The following DCAF7 variants were observed in gnomAD, a reference collection of about 807,000 sequenced individuals.
The protein encoded by DCAF7 is DDB1 and CUL4 associated factor 7.
DCAF7 carries 4 observed loss-of-function variants against 41.2 expected under a neutral mutation model. That is an observed-to-expected ratio of 0.10 (90% CI 0.05 to 0.22). The LOEUF is 0.22. Ranked by LOEUF, DCAF7 falls within the 10% of genes least tolerant of loss-of-function variation. The pLI is 1.00. For synonymous variants in DCAF7, 143 were observed against 164.2 expected (o/e 0.87, Z 0.99); for missense variants, 131 against 443.2 (o/e 0.30, Z 6.32).
At chr17:63,551,658 A>G (rs1487225872) in intron 1 of DCAF7, among the ~76,000 whole-genome samples, 1 of 152,046 alleles carries the variant, frequency 6.6e-6, no homozygotes, top group East Asian at 1.9e-4. Context: ...TTTTACTCAA[A>G]GTTGTGAATG....
Position 63,579,888 on chromosome 17 carries a change from G to A in DCAF7, c.473G>A (p.Arg158Gln). The change falls in exon 4 of 7, where the codon CGA becomes CAA. Residue 158 changes from arginine (R) to glutamine (Q), a missense_variant. Arg to Gln is a conservative substitution (Grantham distance 43). Coordinates refer to ENST00000614556, the MANE Select transcript of DCAF7 (RefSeq NM_005828.5). ...CTGGAGACAGGGCAGGTGTTAGGGC[G>A]AGTGAATCTCGTGTCTGGCCACGTG... ...WGLETGQVLG[R>Q]VNLVSGHVKT... 2 of 1,613,890 alleles carry A rather than the reference G, an allele frequency of 1.2e-6. No individual in the cohort carries two copies. Among genetic ancestry groups the A allele is most frequent in the Non-Finnish European group, 8.5e-7 (1 of 1,179,838 alleles).
intron 1 of DCAF7, among the ~76,000 whole-genome samples, chr17:63,559,399 G>GTGTATATATATGTATATATATATGTA (rs1555680842): frequency 1.1e-5 from 1 of 88,100 alleles, no homozygotes; most frequent in African/African-American, 4.0e-5. Context: ...ATATATATAT[G>GTGTATATATATGTATATATATATGTA]TATATATATG....
chr17:63,559,564 G>C (rs2033358141), intron 1 of DCAF7, among the ~76,000 whole-genome samples: 1 of 151,102 alleles, frequency 6.6e-6, no homozygotes, highest in South Asian at 2.1e-4. Flanking sequence ...CACTTTGGGA[G>C]GCTGAGGCGG....
In DCAF7 at chr17:63,589,709, A is replaced by C. The variant is rs1415164528; in HGVS notation, c.*537A>C. ...GAAAAGAATTTTACTCTCCTGCTTC[A>C]TTTCTTTGTCTTATAGTCCTCCCTC... On this transcript the variant is annotated 3_prime_UTR_variant, in exon 7 of 7. Transcript: ENST00000614556. 5.3e-6 allele frequency: 1 copy of C among 188,992 alleles called. No homozygotes were observed. The highest frequency in any genetic ancestry group is 9.1e-5 in the South Asian group (1 of 10,936). 11.7% of individuals were successfully genotyped at this position (188,992 alleles called of 1,614,324 possible). A position where few individuals can be genotyped will look rare whatever the true frequency, so the allele number is the denominator to read the frequency against.
chr17:63,580,042 G>C, intron 4 of DCAF7, 99 bp downstream of exon 4: 1 of 848,596 alleles, frequency 1.2e-6, no homozygotes, highest in Non-Finnish European at 1.9e-6. Flanking sequence ...AATTTATGTA[G>C]AAAATCATAA....
At chr17:63,569,766 G>A (rs1403285846) in intron 1 of DCAF7, among the ~76,000 whole-genome samples, 1 of 152,164 alleles carries the variant, frequency 6.6e-6, no homozygotes, top group Admixed American at 6.5e-5. Flanking sequence ...AGGGTGGGGT[G>A]CAGTAGTACA....
intron 1 of DCAF7, among the ~76,000 whole-genome samples, chr17:63,555,659 C>A (rs1055730285): frequency 6.6e-6 from 1 of 152,096 alleles, no homozygotes; most frequent in Non-Finnish European, 1.5e-5. Flanking sequence ...CAGTGTTCCA[C>A]GAGTCCCTGT....
At chr17:63,566,370 CAAA>C (rs144975724) in intron 1 of DCAF7, among the ~76,000 whole-genome samples, 16 of 142,234 alleles carry the variant, frequency 1.1e-4, no homozygotes, top group Admixed American at 8.7e-4. Flanking sequence ...GACTCTGTCT[CAAA>C]AAAAAAAAAA....
At chr17:63,576,288 T>TA (rs2033561109) in intron 1 of DCAF7, among the ~76,000 whole-genome samples, 1 of 151,656 alleles carries the variant, frequency 6.6e-6, no homozygotes, top group Non-Finnish European at 1.5e-5. Context: ...CTAAAAATAT[T>TA]AAAAAATTAG....
intron 1 of DCAF7, among the ~76,000 whole-genome samples, chr17:63,561,291 G>T (rs148470512): frequency 1.3e-5 from 2 of 152,024 alleles, no homozygotes; most frequent in African/African-American, 4.8e-5. Context: ...AAGTACAACC[G>T]ACTAAGAATA....
chr17:63,570,346 C>T (rs755851276), intron 1 of DCAF7, among the ~76,000 whole-genome samples: 2 of 151,712 alleles, frequency 1.3e-5, no homozygotes, highest in Non-Finnish European at 2.9e-5. Context: ...CCCAGCTACT[C>T]GGGAGGCTGA....
intron 1 of DCAF7, among the ~76,000 whole-genome samples, chr17:63,574,773 G>A (rs1252608087): frequency 6.6e-6 from 1 of 152,120 alleles, no homozygotes; most frequent in East Asian, 1.9e-4. Context: ...AGGAGTTCAA[G>A]ACCAGCCTGG....
At chr17:63,577,122 G>A (rs1040068538) in intron 1 of DCAF7, among the ~76,000 whole-genome samples, 11 of 152,152 alleles carry the variant, frequency 7.2e-5, no homozygotes, top group African/African-American at 2.2e-4. Flanking sequence ...GGCTACTTGG[G>A]GTAGGTATGA....
intron 1 of DCAF7, among the ~76,000 whole-genome samples, chr17:63,563,869 T>A (rs2033410370): frequency 6.6e-6 from 1 of 151,810 alleles, no homozygotes; most frequent in African/African-American, 2.4e-5. Context: ...TAGCGGCAAG[T>A]AAGAGAAAAC....
At chr17:63,578,440 C>T (rs762984692) in intron 1 of DCAF7, 30 bp from the exon 2 acceptor site, 1 of 1,613,712 alleles carries the variant, frequency 6.2e-7, no homozygotes, top group Admixed American at 1.7e-5. Context: ...CTCACAAATG[C>T]TTATGTGGCT....
intron 1 of DCAF7, among the ~76,000 whole-genome samples, chr17:63,575,986 A>G (rs1026773112): frequency 1.2e-4 from 18 of 152,376 alleles, no homozygotes; most frequent in Non-Finnish European, 2.5e-4. Flanking sequence ...CAGTTTGCCT[A>G]CTAGCAGACA....
At chr17:63,559,389 A>ATATATATATGTATATATATATG (rs2033351214) in intron 1 of DCAF7, among the ~76,000 whole-genome samples, 1 of 47,636 alleles carries the variant, frequency 2.1e-5, no homozygotes, top group African/African-American at 1.0e-4. Flanking sequence ...ATATATATGT[A>ATATATATATGTATATATATATG]TATATATATG....
At position 63,591,131 on chromosome 17, in the gene DCAF7, G is replaced by A. The variant is rs766271952; in HGVS notation, c.*1959G>A. On this transcript the variant is annotated 3_prime_UTR_variant, in exon 7 of 7. Coordinates refer to ENST00000614556, the MANE Select transcript of DCAF7 (RefSeq NM_005828.5). ...TCATTGTGTTTGATAATGGTTACTGGGTCCTTCTCTCAAGGGTAGCAAGGC... is the reference window on the plus strand; with the variant it reads ...TCATTGTGTTTGATAATGGTTACTGAGTCCTTCTCTCAAGGGTAGCAAGGC... The A allele has an allele frequency of 6.6e-6, 1 of 152,080 alleles. No individual in the cohort carries two copies. The highest frequency in any genetic ancestry group is 1.5e-5 in the Non-Finnish European group (1 of 68,026). The allele number at this position is 152,080 out of a possible 1,614,324, so 9.4% of individuals were successfully genotyped here.
intron 3 of DCAF7, 73 bp from the exon 4 acceptor site, chr17:63,579,752 G>A: frequency 1.5e-6 from 2 of 1,292,836 alleles, no homozygotes; most frequent in East Asian, 4.7e-5. Flanking sequence ...CTGAGCAGAT[G>A]AGTAAACACA....
Sources: allele counts gnomAD v4.1 joint callset (sites outside exome capture counted in the v4.1 genomes callset), GRCh38; gene constraint gnomAD v4.1.1; transcripts MANE v1.5; gene names NCBI Gene and HGNC (gene_info 2026-07-23, HGNC 2026-07-21).